Variants in OVOL2 observed in about 807,000 individuals in gnomAD.
OVOL2 encodes the protein ovo like zinc finger 2.
OVOL2 carries 13 observed loss-of-function variants against 18.1 expected under a neutral mutation model. That is an observed-to-expected ratio of 0.72 (90% CI 0.47 to 1.14). The LOEUF (loss-of-function observed/expected upper bound fraction) is 1.14, where lower values mean the gene tolerates loss of function less well. Among genes scored for constraint, OVOL2 ranks in the 50% most tolerant of loss-of-function variants. OVOL2 has a pLI of 0.00. For synonymous variants in OVOL2, 166 were observed against 162.7 expected, an observed-to-expected ratio of 1.02 and a Z score of -0.16; for missense variants, 335 against 383.0, an observed-to-expected ratio of 0.87 and a Z score of 1.05.
intron 2 of OVOL2, among the ~76,000 whole-genome samples, chr20:18,049,555 C>CCA (rs1555796096): frequency 7.2e-5 from 11 of 151,884 alleles, no homozygotes; most frequent in Middle Eastern, 3.4e-3. Context: ...TCAGATTCCC[C>CCA]CCCCGATCCT....
At chr20:18,044,237 T>C (rs374415479) in intron 2 of OVOL2, among the ~76,000 whole-genome samples, 1 of 152,212 alleles carries the variant, frequency 6.6e-6, no homozygotes, top group African/African-American at 2.4e-5. Flanking sequence ...CCACTGCAGC[T>C]GATGCACACG....
At position 18,057,010 on chromosome 20, in the gene OVOL2, C is replaced by T. The variant is rs1335889143; in HGVS notation, c.101-133G>A. 17 of 1,038,682 alleles carry T rather than the reference C, an allele frequency of 1.6e-5. No individual in the cohort carries two copies. The highest frequency in any genetic ancestry group is 2.1e-5 in the Non-Finnish European group (16 of 773,572). 64.3% of individuals were successfully genotyped at this position (1,038,682 alleles called of 1,614,324 possible). A position where few individuals can be genotyped will look rare whatever the true frequency, so the allele number is the denominator to read the frequency against. On this transcript the variant is annotated intron_variant, in intron 1 of 3. Coordinates refer to ENST00000278780, the MANE Select transcript of OVOL2 (RefSeq NM_021220.4). The surrounding 1 kb of genome is among the most constrained non-coding windows in gnomAD (Gnocchi z 6.3). ...GCACCTCGCCAAGTGGGCAACGTCG[C>T]GGGGGAGGCCAGTAAGCCCCGAATC...
chr20:18,054,852 G>T (rs1600454193), intron 2 of OVOL2, among the ~76,000 whole-genome samples: 1 of 151,584 alleles, frequency 6.6e-6, no homozygotes, highest in African/African-American at 2.4e-5. Flanking sequence ...GCCTTGGAAA[G>T]AACTTTATAA....
intron 3 of OVOL2, among the ~76,000 whole-genome samples, chr20:18,038,513 T>A (rs1600441662): frequency 6.6e-6 from 1 of 152,174 alleles, no homozygotes; most frequent in Non-Finnish European, 1.5e-5. Flanking sequence ...AACTCTTCTC[T>A]GAGAAGCTGT....
chr20:18,041,565 G>A lies in OVOL2; in HGVS notation c.480C>T (p.Phe160=), dbSNP rs61729963. Residue 160 remains phenylalanine (F), a synonymous_variant, in exon 3 of 4, where the codon TTC becomes TTT. Transcript: ENST00000278780. ...TFCGKGFNDT[F]DLKRHVRTHT... is the part of the protein sequence containing the mutation. Reference sequence around the variant, plus strand: ...GTGTGCGGACGTGCCTCTTCAGGTCGAAGGTGTCGTTGAAGCCCTTGCCGC... The same window carrying A: ...GTGTGCGGACGTGCCTCTTCAGGTCAAAGGTGTCGTTGAAGCCCTTGCCGC... 278 of 1,613,872 alleles carry A rather than the reference G, an allele frequency of 1.7e-4. No homozygotes were observed. The highest frequency in any genetic ancestry group is 2.2e-4 in the Non-Finnish European group (265 of 1,179,900).
intron 3 of OVOL2, among the ~76,000 whole-genome samples, chr20:18,027,244 T>C (rs2036528033): frequency 6.6e-6 from 1 of 152,128 alleles, no homozygotes; most frequent in Non-Finnish European, 1.5e-5. Flanking sequence ...ACGAATTGGC[T>C]GGGTGCTTCA....
chr20:18,039,607 C>CAAAAAAAAAA (rs111619803), intron 3 of OVOL2, among the ~76,000 whole-genome samples: 69 of 86,924 alleles, frequency 7.9e-4, no homozygotes, highest in South Asian at 9.3e-4. Context: ...GACGCTGTCT[C>CAAAAAAAAAA]AAAAAAAAAA....
At chr20:18,033,910 G>A (rs7261260) in intron 3 of OVOL2, among the ~76,000 whole-genome samples, 25,820 of 152,082 alleles carry the variant, frequency 0.17, 3,794 homozygotes, top group African/African-American at 0.38. Flanking sequence ...CCGAAAGAAT[G>A]TCCTATAAAT....
At chr20:18,033,038 C>T (rs1319457118) in intron 3 of OVOL2, among the ~76,000 whole-genome samples, 1 of 152,216 alleles carries the variant, frequency 6.6e-6, no homozygotes, top group Non-Finnish European at 1.5e-5. Flanking sequence ...TTCCGCATGA[C>T]AGCATTCAGG....
intron 3 of OVOL2, among the ~76,000 whole-genome samples, chr20:18,027,688 T>C (rs1263312855): frequency 6.6e-6 from 1 of 151,608 alleles, no homozygotes; most frequent in Non-Finnish European, 1.5e-5. Context: ...CTCCGCCTCC[T>C]GGGTTCACAT....
In OVOL2 at chr20:18,041,672, C is replaced by A. The variant is rs1568636200; in HGVS notation, c.373G>T (p.Gly125Cys). The stretch of plus-strand genomic sequence containing the variant: ...ATGCGCTGCAGACGGAAGCCCTTGC[C>A]ACACAGGTCACAGCTGTGAACCACC... ...DSVVHSCDLCGKGFRLQRMLN... is the reference protein window; with the variant it reads ...DSVVHSCDLCCKGFRLQRMLN... The change falls in exon 3 of 4, where the codon GGC becomes TGC. Residue 125 changes from glycine to cysteine, a missense_variant. By Grantham distance (159) the Gly-to-Cys change is radical. Coordinates refer to ENST00000278780, the MANE Select transcript of OVOL2 (RefSeq NM_021220.4). The A allele has an allele frequency of 6.2e-7, 1 of 1,614,060 alleles. No homozygotes were observed. Among genetic ancestry groups the A allele is most frequent in the Admixed American group, 1.7e-5 (1 of 60,004 alleles).
intron 3 of OVOL2, among the ~76,000 whole-genome samples, chr20:18,032,349 A>G (rs78243725): frequency 0.019 from 2,715 of 145,540 alleles, 84 homozygotes; most frequent in African/African-American, 0.071. Context: ...GAAAGGAAAG[A>G]AAAGAAAAGA....
chr20:18,055,586 C>T (rs1353840217), intron 2 of OVOL2, among the ~76,000 whole-genome samples: 2 of 152,204 alleles, frequency 1.3e-5, no homozygotes, highest in Admixed American at 6.5e-5. Flanking sequence ...TGCGCCTCAG[C>T]CCACCCCGGA....
At chr20:18,054,739 C>T (rs1453498541) in intron 2 of OVOL2, among the ~76,000 whole-genome samples, 1 of 137,176 alleles carries the variant, frequency 7.3e-6, no homozygotes, top group Non-Finnish European at 1.5e-5. Flanking sequence ...GCACTCCAGC[C>T]TGGGCAACAA....
chr20:18,049,558 C>CCA (rs2036754169), intron 2 of OVOL2, among the ~76,000 whole-genome samples: 1 of 148,652 alleles, frequency 6.7e-6, no homozygotes, highest in East Asian at 1.9e-4. Flanking sequence ...GATTCCCCCC[C>CCA]CGATCCTATG....
intron 3 of OVOL2, among the ~76,000 whole-genome samples, chr20:18,030,016 A>G (rs2036553920): frequency 6.6e-6 from 1 of 152,110 alleles, no homozygotes; most frequent in South Asian, 2.1e-4. Flanking sequence ...CTCACCAATC[A>G]AGGTTAAGAA....
chr20:18,026,957 A>T (rs1449643196), intron 3 of OVOL2, among the ~76,000 whole-genome samples: 1 of 152,194 alleles, frequency 6.6e-6, no homozygotes, highest in Non-Finnish European at 1.5e-5. Flanking sequence ...GAGGGCGGAC[A>T]GAGGGAGGGG....
upstream of OVOL2, among the ~76,000 whole-genome samples, chr20:18,058,403 C>CA (rs1228412718): frequency 8.0e-6 from 1 of 124,400 alleles, no homozygotes; most frequent in Non-Finnish European, 1.7e-5. Flanking sequence ...TCAGCTACAA[C>CA]ACCCCCCCCC....
At position 18,057,713 on chromosome 20, in the gene OVOL2, C is replaced by T. The variant is rs1005675302; in HGVS notation, c.-79G>A. 1.1e-4 allele frequency: 163 copies of T among 1,464,070 alleles called. No homozygotes were observed. The highest frequency in any genetic ancestry group is 1.4e-4 in the Non-Finnish European group (157 of 1,110,252). The allele number at this position is 1,464,070 out of a possible 1,614,324, so 90.7% of individuals were successfully genotyped here. On this transcript the variant is annotated 5_prime_UTR_variant, in exon 1 of 4. Coordinates refer to ENST00000278780, the MANE Select transcript of OVOL2 (RefSeq NM_021220.4). The surrounding 1 kb of genome is among the most constrained non-coding windows in gnomAD (Gnocchi z 6.3). ...GGGGCAACGGCGGCGGCTCCGTCCC[C>T]GGCTCCCGGCGGCCAGAGCCCACCT...
Sources: gnomAD v4.1 joint callset for allele counts (sites outside exome capture counted in the v4.1 genomes callset) on GRCh38, gnomAD v4.1.1 for gene constraint, Gnocchi (gnomAD v3.1) non-coding constraint, MANE v1.5 for transcripts, NCBI Gene and HGNC (gene_info 2026-07-23, HGNC 2026-07-21) for gene names.